Variants in RHBDD1 observed in about 807,000 individuals in gnomAD.
RHBDD1 encodes rhomboid domain containing 1, also known as rhomboid-related protein 4.
Under a neutral mutation model 36.3 loss-of-function variants are expected in RHBDD1, and 38 were observed. The observed-to-expected ratio is 1.05, with a 90% CI of 0.81 to 1.37. The LOEUF is 1.37. Among genes scored for constraint, RHBDD1 ranks in the 40% most tolerant of loss-of-function variants. The pLI, the probability that RHBDD1 is intolerant of heterozygous loss-of-function variation, is 0.00. For missense variants in RHBDD1, 393 were observed against 377.6 expected (o/e 1.04, Z -0.34); for synonymous variants, 151 against 136.5 (o/e 1.11, Z -0.74).
the RHBDD1 span, chr2:226,800,332 T>C: frequency 2.6e-5 from 4 of 152,264 alleles, no homozygotes; most frequent in Non-Finnish European, 5.9e-5. Context: ...GGGATCTGTA[T>C]TTTTTAAGGT....
intron 7 of RHBDD1, among the ~76,000 whole-genome samples, chr2:226,913,419 C>G (rs1274984782): frequency 6.6e-6 from 1 of 152,172 alleles, no homozygotes; most frequent in East Asian, 1.9e-4. Context: ...GAACAAAAAT[C>G]TCTTCCAAAC....
At chr2:226,841,056 C>A (rs531978756) in intron 3 of RHBDD1, among the ~76,000 whole-genome samples, 2 of 152,140 alleles carry the variant, frequency 1.3e-5, no homozygotes, top group East Asian at 3.9e-4. Context: ...TGCATACTGC[C>A]CATGTAGTCG....
At chr2:226,961,026 A>G (rs923550598) in intron 8 of RHBDD1, among the ~76,000 whole-genome samples, 3 of 152,190 alleles carry the variant, frequency 2.0e-5, no homozygotes, top group African/African-American at 7.2e-5. Context: ...GTGTTTTTAA[A>G]TATATGTAAA....
chr2:226,980,829 T>C (rs150047288), intron 8 of RHBDD1, among the ~76,000 whole-genome samples: 59 of 152,372 alleles, frequency 3.9e-4, no homozygotes, highest in African/African-American at 1.3e-3. Flanking sequence ...TCTGGAGTTT[T>C]CTTTTTCTGT....
chr2:226,884,066 T>TATTC (rs1322453859), intron 5 of RHBDD1, among the ~76,000 whole-genome samples: 8 of 152,228 alleles, frequency 5.3e-5, no homozygotes, highest in African/African-American at 1.9e-4. Context: ...TACAATTAAA[T>TATTC]ATTCTCAACT....
chr2:226,993,196 G>A (rs956107550), intron 8 of RHBDD1, among the ~76,000 whole-genome samples: 7 of 152,110 alleles, frequency 4.6e-5, no homozygotes, highest in South Asian at 2.1e-4. Flanking sequence ...ATTAATCTGC[G>A]GGCTTTTTCT....
At chr2:226,963,061 A>G (rs1952336276) in intron 8 of RHBDD1, among the ~76,000 whole-genome samples, 1 of 152,082 alleles carries the variant, frequency 6.6e-6, no homozygotes, top group Admixed American at 6.6e-5. Context: ...TCTACCCACT[A>G]GACGCAAGCG....
chr2:226,993,792 ACTT>A (rs541482437), intron 8 of RHBDD1, among the ~76,000 whole-genome samples: 254 of 152,324 alleles, frequency 1.7e-3, no homozygotes, highest in African/African-American at 5.9e-3. Flanking sequence ...GACAACGGAA[ACTT>A]CAGCTGTGGA....
chr2:226,909,111 G>T (rs1948313919), intron 7 of RHBDD1, among the ~76,000 whole-genome samples: 1 of 152,028 alleles, frequency 6.6e-6, no homozygotes, highest in Non-Finnish European at 1.5e-5. Flanking sequence ...TGAAAACATG[G>T]TATGATTGGT....
intron 8 of RHBDD1, among the ~76,000 whole-genome samples, chr2:226,936,873 C>G (rs1162365635): frequency 6.6e-6 from 1 of 152,022 alleles, no homozygotes; most frequent in Non-Finnish European, 1.5e-5. Context: ...TTTAAATGAC[C>G]TATTTCAGTT....
At chr2:226,843,045 G>A (rs539564775) in intron 3 of RHBDD1, among the ~76,000 whole-genome samples, 1 of 152,234 alleles carries the variant, frequency 6.6e-6, no homozygotes, top group African/African-American at 2.4e-5. Flanking sequence ...TTGTGAATGG[G>A]AGTTCATTTA....
rs146889390 is a variant in RHBDD1 at position 226,985,645 on chromosome 2, T to C, written c.857-9786T>C. ...ACATCGGAGTCACCCGGGAGCTCAT[T>C]AAAACTACAGCGGCCTGGGCTCTGT... On this transcript the variant is annotated intron_variant, in intron 8 of 8. Transcript: ENST00000392062. Among the ~76,000 whole-genome samples the C allele has an allele frequency of 7.2e-4, 110 of 152,360 alleles. No homozygotes were observed. In the East Asian group the frequency reaches 8.9e-3, roughly 12 times the overall value.
chr2:226,816,814 C>T, the RHBDD1 span, among the ~76,000 whole-genome samples: 9 of 152,056 alleles, frequency 5.9e-5, no homozygotes, highest in African/African-American at 7.2e-5. Flanking sequence ...GAGAATCATT[C>T]GAGTCCAGGA....
intron 3 of RHBDD1, among the ~76,000 whole-genome samples, chr2:226,852,967 C>T (rs1942976790): frequency 6.7e-6 from 1 of 148,480 alleles, no homozygotes; most frequent in East Asian, 2.0e-4. Flanking sequence ...TGAGGTCTTG[C>T]TATGTTTTCC....
intron 8 of RHBDD1, among the ~76,000 whole-genome samples, chr2:226,969,549 T>C (rs1953044474): frequency 6.6e-6 from 1 of 152,104 alleles, no homozygotes; most frequent in African/African-American, 2.4e-5. Context: ...CCAAGTTTCT[T>C]AGGTAATGGC....
intron 3 of RHBDD1, among the ~76,000 whole-genome samples, chr2:226,860,809 A>G (rs1396588229): frequency 6.6e-6 from 1 of 152,214 alleles, no homozygotes; most frequent in Non-Finnish European, 1.5e-5. Flanking sequence ...CACATTGGCT[A>G]TGGTTATATC....
chr2:226,908,962 C>A, intron 7 of RHBDD1, 84 bp downstream of exon 7: 1 of 864,046 alleles, frequency 1.2e-6, no homozygotes, highest in East Asian at 2.6e-5. Flanking sequence ...TAGGATACTA[C>A]TAGTTTCTGC....
At chr2:226,910,980 C>CG (rs1559261607) in intron 7 of RHBDD1, among the ~76,000 whole-genome samples, 3 of 152,254 alleles carry the variant, frequency 2.0e-5, no homozygotes, top group South Asian at 2.1e-4. Flanking sequence ...TTTTGTCTGA[C>CG]AAGTACCAAA....
intron 8 of RHBDD1, among the ~76,000 whole-genome samples, chr2:226,934,892 G>C (rs971914195): frequency 2.0e-5 from 3 of 151,444 alleles, no homozygotes; most frequent in African/African-American, 7.3e-5. Context: ...CTGCCACCAG[G>C]TTAAGTTGGT....
Sources: gnomAD v4.1 joint callset for allele counts (sites outside exome capture counted in the v4.1 genomes callset) on GRCh38, gnomAD v4.1.1 for gene constraint, MANE v1.5 for transcripts, NCBI Gene and HGNC (gene_info 2026-07-23, HGNC 2026-07-21) for gene names.